VWC2L: variants seen among roughly 807,000 people sequenced by gnomAD.
VWC2L encodes the protein von Willebrand factor C domain containing 2 like, also known as von Willebrand factor C domain-containing protein 2-like.
Under a neutral mutation model 21.6 loss-of-function variants are expected in VWC2L, and 10 were observed. The observed-to-expected ratio is 0.46, with a 90% CI of 0.29 to 0.78. VWC2L has a LOEUF of 0.78. Among genes scored for constraint, VWC2L ranks in the 30% least tolerant of loss-of-function variants. VWC2L has a pLI of 0.10. For missense variants in VWC2L, 209 were observed against 277.1 expected (o/e 0.75, Z 1.74); for synonymous variants, 96 against 94.3 (o/e 1.02, Z -0.10).
intron 2 of VWC2L, among the ~76,000 whole-genome samples, chr2:214,415,495 T>C (rs1702341090): frequency 6.6e-6 from 1 of 152,156 alleles, no homozygotes; most frequent in African/African-American, 2.4e-5. Context: ...CTCAGAACCT[T>C]AGAGGTAAAA....
At chr2:214,496,300 CATGAGT>C (rs1688812760) in intron 3 of VWC2L, among the ~76,000 whole-genome samples, 1 of 125,154 alleles carries the variant, frequency 8.0e-6, no homozygotes, top group African/African-American at 2.8e-5. Flanking sequence ...TTATGTGGCA[CATGAGT>C]ATATTTGAAA....
intron 3 of VWC2L, among the ~76,000 whole-genome samples, chr2:214,517,026 A>C (rs941568693): frequency 6.6e-6 from 1 of 152,304 alleles, no homozygotes; most frequent in South Asian, 2.1e-4. Context: ...TCTCCCCTGC[A>C]TCATCAATGT....
At chr2:214,571,475 C>T (rs182819737) in intron 3 of VWC2L, among the ~76,000 whole-genome samples, 55 of 152,274 alleles carry the variant, frequency 3.6e-4, no homozygotes, top group Non-Finnish European at 7.4e-5. Flanking sequence ...TTATCAAATA[C>T]TCCTATATAT....
intron 3 of VWC2L, among the ~76,000 whole-genome samples, chr2:214,509,158 C>T (rs1559312452): frequency 6.6e-6 from 1 of 152,192 alleles, no homozygotes; most frequent in Non-Finnish European, 1.5e-5. Flanking sequence ...CCCACTTTCA[C>T]ACTGGCATTT....
intron 3 of VWC2L, among the ~76,000 whole-genome samples, chr2:214,452,841 G>A (rs567332595): frequency 5.3e-5 from 8 of 152,236 alleles, no homozygotes; most frequent in Admixed American, 2.6e-4. Flanking sequence ...GACTAGTGAG[G>A]ATTAGTCTCT....
At chr2:214,458,592 A>T (rs1703090429) in intron 3 of VWC2L, among the ~76,000 whole-genome samples, 1 of 152,028 alleles carries the variant, frequency 6.6e-6, no homozygotes, top group African/African-American at 2.4e-5. Context: ...CTCTTAGCAC[A>T]GCTTTTGCTC....
chr2:214,532,750 A>T (rs754719491), intron 3 of VWC2L, among the ~76,000 whole-genome samples: 4 of 152,148 alleles, frequency 2.6e-5, no homozygotes, highest in Non-Finnish European at 5.9e-5. Flanking sequence ...CTGACTGATA[A>T]TGGGGTATGG....
chr2:214,471,849 C>T (rs975299095), intron 3 of VWC2L, among the ~76,000 whole-genome samples: 2 of 152,188 alleles, frequency 1.3e-5, no homozygotes, highest in Admixed American at 6.6e-5. Context: ...TGATTACTAG[C>T]TCATTGCCAA....
intron 3 of VWC2L, among the ~76,000 whole-genome samples, chr2:214,558,651 G>A (rs1317466198): frequency 6.6e-6 from 1 of 152,010 alleles, no homozygotes; most frequent in Admixed American, 6.6e-5. Context: ...CTGGACTAGT[G>A]TAAAAATTGA....
intron 3 of VWC2L, among the ~76,000 whole-genome samples, chr2:214,547,668 G>A (rs1689730941): frequency 6.6e-6 from 1 of 152,286 alleles, no homozygotes; most frequent in Middle Eastern, 3.4e-3. Flanking sequence ...TTCTCCCTCA[G>A]TGACAGGATT....
At chr2:214,499,009 C>CTTTTTTTT (rs56085205) in intron 3 of VWC2L, among the ~76,000 whole-genome samples, 11 of 83,454 alleles carry the variant, frequency 1.3e-4, no homozygotes, top group African/African-American at 6.7e-4. Flanking sequence ...TCGTACCATT[C>CTTTTTTTT]TTTTTTTTTT....
chr2:214,482,648 AATATAT>A (rs199718570), intron 3 of VWC2L, among the ~76,000 whole-genome samples: 1 of 147,628 alleles, frequency 6.8e-6, no homozygotes, highest in Non-Finnish European at 1.5e-5. Flanking sequence ...TTAATAAATA[AATATAT>A]ATATATATAT....
intron 3 of VWC2L, among the ~76,000 whole-genome samples, chr2:214,508,254 G>A (rs1380662951): frequency 3.3e-5 from 5 of 152,222 alleles, no homozygotes; most frequent in East Asian, 1.9e-4. Context: ...GATTACAGGC[G>A]TGCACCACCA....
chr2:214,466,755 C>G (rs1280480021), intron 3 of VWC2L, among the ~76,000 whole-genome samples: 2 of 152,146 alleles, frequency 1.3e-5, no homozygotes, highest in African/African-American at 2.4e-5. Context: ...GTAGTTTTCA[C>G]CTCTAGAAGT....
At chr2:214,434,690 T>C (rs929776635) in intron 2 of VWC2L, among the ~76,000 whole-genome samples, 4 of 152,228 alleles carry the variant, frequency 2.6e-5, no homozygotes, top group Non-Finnish European at 5.9e-5. Flanking sequence ...TAAGTAGATA[T>C]AGGAAAATTG....
intron 3 of VWC2L, among the ~76,000 whole-genome samples, chr2:214,504,376 A>G (rs1688938378): frequency 6.6e-6 from 1 of 152,212 alleles, no homozygotes; most frequent in Admixed American, 6.5e-5. Flanking sequence ...AAGTGTTTAG[A>G]GTCTGCATCT....
intron 3 of VWC2L, among the ~76,000 whole-genome samples, chr2:214,530,664 A>G (rs1689419170): frequency 6.6e-6 from 1 of 152,102 alleles, no homozygotes; most frequent in African/African-American, 2.4e-5. Context: ...AGGGACACAA[A>G]CAAATTTTGG....
chr2:214,420,517 A>C (rs1702423094), intron 2 of VWC2L, among the ~76,000 whole-genome samples: 1 of 152,238 alleles, frequency 6.6e-6, no homozygotes, highest in South Asian at 2.1e-4. Context: ...TATGAAAAGC[A>C]CAGGAACTAA....
At chr2:214,438,948 G>T (rs952309993) in intron 3 of VWC2L, among the ~76,000 whole-genome samples, 1 of 151,872 alleles carries the variant, frequency 6.6e-6, no homozygotes, top group African/African-American at 2.4e-5. Context: ...TTCCCTCTTG[G>T]TACTTCCAAA....
Sources: gnomAD v4.1 joint callset for allele counts (sites outside exome capture counted in the v4.1 genomes callset) on GRCh38, gnomAD v4.1.1 for gene constraint, MANE v1.5 for transcripts, NCBI Gene and HGNC (gene_info 2026-07-23, HGNC 2026-07-21) for gene names.